TCF3: variants seen among roughly 807,000 people sequenced by gnomAD.
TCF3 encodes the protein transcription factor E2-alpha.
In TCF3, 54 loss-of-function variants were observed where a neutral mutation model predicts 72.3. That is an observed-to-expected ratio of 0.75 (90% CI 0.60 to 0.94). The LOEUF (loss-of-function observed/expected upper bound fraction) is 0.94. Ranked by LOEUF, TCF3 falls within the 40% of genes least tolerant of loss-of-function variation. The pLI is 0.00. For missense variants in TCF3, 1,078 were observed against 934.4 expected, an observed-to-expected ratio of 1.15 and a Z score of -2.00; for synonymous variants, 525 against 412.6, an observed-to-expected ratio of 1.27 and a Z score of -3.30.
intron 7 of TCF3, among the ~76,000 whole-genome samples, chr19:1,625,212 T>C (rs2062736449): frequency 6.6e-6 from 1 of 152,240 alleles, no homozygotes; most frequent in South Asian, 2.1e-4. Context: ...AGCCCGAGGC[T>C]GTGACGTGCC....
At position 1,615,273 on chromosome 19, in the gene TCF3, G is replaced by A. The variant is rs745313247; in HGVS notation, c.1822+12C>T. On this transcript the variant is annotated intron_variant, in intron 18 of 18. Transcript: ENST00000262965. This position sits in a 1 kb window ranked among gnomAD's most constrained non-coding sequence, Gnocchi z 7.3. ...CGCTGCAGGGACGCTGGTGGCCCGC[G>A]CCCCCACTGACCTCGCACTTGCTGC... 1.2e-5 allele frequency: 19 copies of A among 1,575,178 alleles called. No homozygotes were observed. The highest frequency in any genetic ancestry group is 1.7e-5 in the Admixed American group (1 of 57,462).
intron 3 of TCF3, among the ~76,000 whole-genome samples, chr19:1,642,422 G>A (rs993162203): frequency 6.6e-6 from 1 of 152,234 alleles, no homozygotes; most frequent in Non-Finnish European, 1.5e-5. Flanking sequence ...GGGTGGGCGG[G>A]ACGGTACCCC....
intron 3 of TCF3, among the ~76,000 whole-genome samples, chr19:1,639,909 A>G (rs1477600892): frequency 6.6e-6 from 1 of 152,274 alleles, no homozygotes; most frequent in African/African-American, 2.4e-5. Context: ...CTGTGATCTG[A>G]AAGTCACCAA....
chr19:1,619,551 T>C, intron 14 of TCF3, 77 bp from the exon 15 acceptor site: 2 of 1,500,734 alleles, frequency 1.3e-6, no homozygotes, highest in Non-Finnish European at 1.8e-6. Flanking sequence ...CCCTTCCGCA[T>C]GCAAGTGGCC....
intron 5 of TCF3, 37 bp downstream of exon 5, chr19:1,632,001 T>C (rs745708082): frequency 3.7e-6 from 6 of 1,603,496 alleles, no homozygotes; most frequent in East Asian, 2.3e-5. Flanking sequence ...TGCACATCTG[T>C]GCACAGCAGA....
rs1599391091 is a variant in TCF3 at position 1,611,284 on chromosome 19, T to C, written c.*423A>G. The C allele has an allele frequency of 2.9e-6, 1 of 345,560 alleles. No individual in the cohort carries two copies. The highest frequency in any genetic ancestry group is 5.2e-6 in the Non-Finnish European group (1 of 192,574). 21.4% of individuals were successfully genotyped at this position (345,560 alleles called of 1,614,324 possible). ...CAGCATCCCCCTTGAGTGATATGTT[T>C]CCATTTCTCCGCTTTTTATAGTTAA... On this transcript the variant is annotated 3_prime_UTR_variant, in exon 19 of 19. Coordinates refer to ENST00000262965, the MANE Select transcript of TCF3 (RefSeq NM_003200.5).
intron 13 of TCF3, 148 bp downstream of exon 13, chr19:1,620,820 C>T: frequency 2.4e-6 from 2 of 816,446 alleles, no homozygotes; most frequent in South Asian, 2.7e-5. Flanking sequence ...GGGCCATCTG[C>T]TCCCTCCCCG....
intron 3 of TCF3, among the ~76,000 whole-genome samples, chr19:1,644,012 C>T (rs2065705033): frequency 6.6e-6 from 1 of 152,244 alleles, no homozygotes; most frequent in Admixed American, 6.5e-5. Context: ...GCTGCACCCA[C>T]TGTTCCAGGA....
intron 18 of TCF3, among the ~76,000 whole-genome samples, chr19:1,613,103 TG>T (rs1444229059): frequency 6.6e-6 from 1 of 151,756 alleles, no homozygotes; most frequent in African/African-American, 2.4e-5. Context: ...TGGACAGCAG[TG>T]GGGGTACACG....
At chr19:1,616,309 C>T (rs2061541429) in intron 16 of TCF3, among the ~76,000 whole-genome samples, 1 of 151,848 alleles carries the variant, frequency 6.6e-6, no homozygotes, top group Non-Finnish European at 1.5e-5. Flanking sequence ...CCCATCTCTA[C>T]TAAAAATACA....
At position 1,621,312 on chromosome 19, in the gene TCF3, C is replaced by T. The variant is rs1032399066; in HGVS notation, c.956-121G>A. Reference sequence around the variant, plus strand: ...CTGCGCCAGGGAGAGCAGCCTGACTCGGGTCCGGTTTCTGTCTGACCCCCT... The same window carrying T: ...CTGCGCCAGGGAGAGCAGCCTGACTTGGGTCCGGTTTCTGTCTGACCCCCT... On this transcript the variant is annotated intron_variant, in intron 11 of 18. Transcript: ENST00000262965. 3.2e-5 allele frequency: 40 copies of T among 1,242,846 alleles called. 1 individual carries two copies. The highest frequency in any genetic ancestry group is 2.8e-4 in the Middle Eastern group (1 of 3,634). The allele number at this position is 1,242,846 out of a possible 1,614,324, so 77.0% of individuals were successfully genotyped here.
intron 5 of TCF3, among the ~76,000 whole-genome samples, chr19:1,629,270 G>T (rs1568419151): frequency 6.6e-6 from 1 of 152,056 alleles, no homozygotes; most frequent in Admixed American, 6.5e-5. Context: ...GGACAGGCCT[G>T]GGGGCCCTGG....
At chr19:1,648,111 G>A (rs1281795483) in intron 2 of TCF3, among the ~76,000 whole-genome samples, 1 of 152,224 alleles carries the variant, frequency 6.6e-6, no homozygotes, top group Non-Finnish European at 1.5e-5. Context: ...GTCAGGGCAG[G>A]ACAAAGGCGC....
intron 1 of TCF3, among the ~76,000 whole-genome samples, 176 bp downstream of exon 1, chr19:1,652,110 TCGCCGCCCCCCCGG>T (rs1283312055): frequency 1.5e-3 from 221 of 146,200 alleles, no homozygotes; most frequent in Non-Finnish European, 2.4e-3. Context: ...CTCCTCCACG[TCGCCGCCCCCCCGG>T]CGCCGCGCGA....
In TCF3 at chr19:1,612,051, CAG is replaced by C. The variant is rs1275241061; in HGVS notation, c.1823-204_1823-203del. On this transcript the variant is annotated intron_variant, in intron 18 of 18. Coordinates refer to ENST00000262965, the MANE Select transcript of TCF3 (RefSeq NM_003200.5). The stretch of plus-strand genomic sequence containing the variant: ...GGCTTGTAAAGAAGAGAGTGGGTAT[CAG>C]GGGGTGTCTGGGGAACATCACTGGG... Among the ~76,000 whole-genome samples the C allele has an allele frequency of 5.3e-5, 8 of 151,868 alleles. No homozygotes were observed. The South Asian group carries it at 1.0e-3, about 20-fold the overall frequency.
chr19:1,649,757 C>T (rs1313589114), intron 2 of TCF3, among the ~76,000 whole-genome samples: 1 of 152,020 alleles, frequency 6.6e-6, no homozygotes, highest in Non-Finnish European at 1.5e-5. Flanking sequence ...TCTCCAGGGT[C>T]TCACTGTCAA....
intron 1 of TCF3, among the ~76,000 whole-genome samples, chr19:1,651,638 G>A (rs2067081614): frequency 1.3e-5 from 2 of 152,106 alleles, no homozygotes; most frequent in African/African-American, 4.8e-5. Flanking sequence ...CCGAAGGCGG[G>A]GGGCGCGCTG....
At chr19:1,620,860 A>T (rs904364619) in intron 13 of TCF3, 108 bp downstream of exon 13, 10 of 1,162,686 alleles carry the variant, frequency 8.6e-6, no homozygotes, top group Non-Finnish European at 1.0e-5. Context: ...AGGTGCAGAC[A>T]CCAGAACCAG....
intron 1 of TCF3, chr19:1,651,021 T>C: frequency 4.3e-6 from 1 of 231,920 alleles, no homozygotes; most frequent in Non-Finnish European, 8.5e-6. Context: ...GGAATTATTT[T>C]TAAGCAAAAC....
Sources: allele counts gnomAD v4.1 joint callset (sites outside exome capture counted in the v4.1 genomes callset), GRCh38; gene constraint gnomAD v4.1.1; non-coding constraint Gnocchi (gnomAD v3.1); transcripts MANE v1.5; gene names NCBI Gene and HGNC (gene_info 2026-07-23, HGNC 2026-07-21).